Variants in ZNF554 observed in about 807,000 individuals in gnomAD.
ZNF554 encodes the protein zinc finger protein 554.
A neutral mutation model predicts 21.2 loss-of-function variants in ZNF554; 15 were observed. That is an observed-to-expected ratio of 0.71 (90% CI 0.47 to 1.09). ZNF554 has a LOEUF of 1.09. ZNF554 is among the 50% of genes least tolerant of loss of function. The probability of loss-of-function intolerance (pLI) is 0.00; values close to 1 mark genes in which losing one functional copy is unlikely to be tolerated. For missense variants in ZNF554, 691 were observed against 662.7 expected (o/e 1.04, Z -0.47); for synonymous variants, 258 against 251.4 (o/e 1.03, Z -0.25).
intron 2 of ZNF554, 60 bp from the exon 3 acceptor site, chr19:2,827,557 C>T (rs947139953): frequency 5.7e-6 from 9 of 1,569,936 alleles, no homozygotes; most frequent in South Asian, 2.4e-5. Context: ...CCTCACCCCT[C>T]CTCCCATGAA....
At chr19:2,825,902 CT>C (rs1016713810) in intron 2 of ZNF554, among the ~76,000 whole-genome samples, 4 of 151,968 alleles carry the variant, frequency 2.6e-5, no homozygotes, top group African/African-American at 9.7e-5. Context: ...TCTTTTCTTT[CT>C]TTCTTTCTTT....
rs750534805 is a variant in ZNF554 at position 2,832,452 on chromosome 19, C to G, written c.403C>G (p.Leu135Val). The change falls in exon 4 of 5, where the codon CTG becomes GTG. Residue 135 changes from leucine to valine, a missense_variant. Transcript: ENST00000317243. ...TTCCCACTTGGAGCAAAGAGAAGCC[C>G]TGTGGATAGAGGAAAAAGGAACTCC... ...ASSHLEQREA[L>V]WIEEKGTPQA... 61 of 1,612,886 alleles carry G rather than the reference C, an allele frequency of 3.8e-5. No individual in the cohort carries two copies. Among genetic ancestry groups the G allele is most frequent in the Non-Finnish European group, 4.9e-5 (58 of 1,179,676 alleles).
At chr19:2,828,865 G>A (rs988710289) in intron 3 of ZNF554, among the ~76,000 whole-genome samples, 1 of 151,956 alleles carries the variant, frequency 6.6e-6, no homozygotes, top group Non-Finnish European at 1.5e-5. Flanking sequence ...TCACTATCAC[G>A]AGAACAGCAT....
At chr19:2,829,730 C>T (rs1163788681) in intron 3 of ZNF554, among the ~76,000 whole-genome samples, 1 of 152,060 alleles carries the variant, frequency 6.6e-6, no homozygotes, top group African/African-American at 2.4e-5. Flanking sequence ...CTTTTTCACC[C>T]CTTTTAAGTG....
chr19:2,834,219 G>C lies in ZNF554; in HGVS notation c.984G>C (p.Gln328His). 1 of 1,614,052 alleles carries C rather than the reference G, an allele frequency of 6.2e-7. No individual in the cohort carries two copies. Among genetic ancestry groups the C allele is most frequent in the Non-Finnish European group, 8.5e-7 (1 of 1,180,034 alleles). The change falls in exon 5 of 5, where the codon CAG (glutamine) becomes CAC (histidine). Residue 328 changes from glutamine to histidine, a missense_variant. By Grantham distance (24) the Gln-to-His change is conservative. Transcript: ENST00000317243. ...CAGAGAAACCCTTTGAGTGCCACCA[G>C]TGTGGGAAGGTGTTCAACCGGAGGC... ...NTAEKPFECH[Q>H]CGKVFNRRHS...
At chr19:2,824,698 T>C (rs1043624357) in intron 2 of ZNF554, among the ~76,000 whole-genome samples, 9 of 152,352 alleles carry the variant, frequency 5.9e-5, no homozygotes, top group African/African-American at 2.2e-4. Context: ...ATCTTAGCCG[T>C]TGATGAAACA....
In ZNF554 at chr19:2,820,130, T is replaced by C. The variant is rs1308307403; in HGVS notation, c.53+6T>C. The stretch of plus-strand genomic sequence containing the variant: ...CGGCTCCCGGCAGCTCAGCCGTAAG[T>C]GCCGCCGCCTCCCGCGCCGCGACCT... On this transcript the variant is annotated splice_donor_region_variant and intron_variant, in intron 1 of 4. Coordinates refer to ENST00000317243, the MANE Select transcript of ZNF554 (RefSeq NM_001102651.2). 1 of 1,219,784 alleles carries C rather than the reference T, an allele frequency of 8.2e-7. No homozygotes were observed. Among genetic ancestry groups the C allele is most frequent in the Non-Finnish European group, 1.0e-6 (1 of 980,342 alleles). 75.6% of individuals were successfully genotyped at this position (1,219,784 alleles called of 1,614,324 possible).
rs1167906247 is a variant in ZNF554, at chr19:2,822,409, C to T, written c.54-631C>T. On this transcript the variant is annotated intron_variant, in intron 1 of 4. Coordinates refer to ENST00000317243, the MANE Select transcript of ZNF554 (RefSeq NM_001102651.2). ...TGCCCACACCTTGATCTCAGACTTC[C>T]AGAACTGGGAAAGGATATATTCCTG... is the stretch of plus-strand genomic sequence containing the variant. Among the ~76,000 whole-genome samples the T allele has an allele frequency of 2.6e-5, 4 of 152,124 alleles. No homozygotes were observed. The East Asian group carries it at 5.8e-4, about 22-fold the overall frequency.
At chr19:2,824,722 T>C (rs1268216642) in intron 2 of ZNF554, among the ~76,000 whole-genome samples, 2 of 152,238 alleles carry the variant, frequency 1.3e-5, no homozygotes, top group South Asian at 2.1e-4. Flanking sequence ...GAAATACATA[T>C]GAACTTTACC....
Position 2,832,483 on chromosome 19 carries a change from C to T in ZNF554, c.434C>T (p.Ala145Val). 6.2e-7 allele frequency: 1 copy of T among 1,600,942 alleles called. No homozygotes were observed. The highest frequency in any genetic ancestry group is 8.5e-7 in the Non-Finnish European group (1 of 1,175,732). ...LWIEEKGTPQ[A>V]SCSDWMTVLR... Reference sequence around the variant, plus strand: ...ATAGAGGAAAAAGGAACTCCTCAAGCCTCCTGTTCAGGTGAGAATCAGGCA... The same window carrying T: ...ATAGAGGAAAAAGGAACTCCTCAAGTCTCCTGTTCAGGTGAGAATCAGGCA... The change falls in exon 4 of 5, where the codon GCC (alanine) becomes GTC (valine). Residue 145 changes from alanine to valine, a missense_variant. Ala to Val is a moderately conservative substitution (Grantham distance 64). Coordinates refer to ENST00000317243, the MANE Select transcript of ZNF554 (RefSeq NM_001102651.2).
At chr19:2,830,092 T>G (rs1053623671) in intron 3 of ZNF554, among the ~76,000 whole-genome samples, 3 of 152,140 alleles carry the variant, frequency 2.0e-5, no homozygotes, top group Non-Finnish European at 2.9e-5. Flanking sequence ...GCCCGGCTAA[T>G]TTTTTAATAA....
intron 2 of ZNF554, among the ~76,000 whole-genome samples, chr19:2,824,781 C>T (rs1245643479): frequency 1.3e-5 from 2 of 152,104 alleles, no homozygotes; most frequent in Non-Finnish European, 2.9e-5. Flanking sequence ...AGTTGGACAA[C>T]CATCACCACC....
intron 4 of ZNF554, chr19:2,833,239 C>T (rs899242028): frequency 6.4e-5 from 10 of 156,376 alleles, no homozygotes; most frequent in African/African-American, 1.2e-4. Flanking sequence ...CAGGTTCAAG[C>T]GATTCTTCTG....
intron 2 of ZNF554, among the ~76,000 whole-genome samples, chr19:2,825,542 C>T (rs1041956637): frequency 1.3e-5 from 2 of 152,024 alleles, no homozygotes; most frequent in Non-Finnish European, 2.9e-5. Flanking sequence ...AACTCCTGGC[C>T]TCAAAGGCCA....
intron 2 of ZNF554, among the ~76,000 whole-genome samples, chr19:2,826,818 T>C (rs570826360): frequency 6.6e-6 from 1 of 152,184 alleles, no homozygotes; most frequent in South Asian, 2.1e-4. Flanking sequence ...CCCGCCATCA[T>C]GCCCGGCTAA....
intron 3 of ZNF554, among the ~76,000 whole-genome samples, chr19:2,830,032 C>G (rs1047876964): frequency 6.6e-6 from 1 of 152,194 alleles, no homozygotes; most frequent in Admixed American, 6.5e-5. Flanking sequence ...TCACGCCATT[C>G]TCCTGCCTCA....
chr19:2,823,602 G>C (rs1449159155), intron 2 of ZNF554, among the ~76,000 whole-genome samples: 2 of 152,140 alleles, frequency 1.3e-5, no homozygotes, highest in African/African-American at 4.8e-5. Context: ...CGTCTCTGCA[G>C]GTCTCTGAAG....
At chr19:2,824,663 A>G (rs1320179857) in intron 2 of ZNF554, among the ~76,000 whole-genome samples, 1 of 152,282 alleles carries the variant, frequency 6.6e-6, no homozygotes, top group East Asian at 1.9e-4. Context: ...GATAAAACAC[A>G]CATGAAATAC....
chr19:2,835,066 A>G lies in ZNF554; in HGVS notation c.*214A>G, dbSNP rs1329610255. ...CAGGCTGGAGTCCAGTGGCGTGATC[A>G]TACCTCACTGCAGCTTCAACTTCCT... On this transcript the variant is annotated 3_prime_UTR_variant, in exon 5 of 5. Coordinates refer to ENST00000317243, the MANE Select transcript of ZNF554 (RefSeq NM_001102651.2). The G allele has an allele frequency of 3.9e-6, 2 of 512,960 alleles. No individual in the cohort carries two copies. The highest frequency in any genetic ancestry group is 3.8e-5 in the African/African-American group (2 of 52,434). The allele number at this position is 512,960 out of a possible 1,614,324, so 31.8% of individuals were successfully genotyped here.
Sources: allele counts gnomAD v4.1 joint callset (sites outside exome capture counted in the v4.1 genomes callset), GRCh38; gene constraint gnomAD v4.1.1; transcripts MANE v1.5; gene names NCBI Gene and HGNC (gene_info 2026-07-23, HGNC 2026-07-21).